Variants in SEMA6D observed in about 807,000 individuals in gnomAD.
The protein encoded by SEMA6D is semaphorin 6D.
SEMA6D carries 35 observed loss-of-function variants against 106.6 expected under a neutral mutation model. The observed-to-expected ratio is 0.33, with a 90% confidence interval of 0.25 to 0.44. SEMA6D has a LOEUF of 0.44. Among genes scored for constraint, SEMA6D ranks in the 20% least tolerant of loss-of-function variants. SEMA6D has a pLI of 1.00. For synonymous variants in SEMA6D, 499 were observed against 487.7 expected (o/e 1.02, Z -0.31); for missense variants, 1,185 against 1,345.9 (o/e 0.88, Z 1.87).
chr15:47,251,831 T>G (rs1003238820), intron 1 of SEMA6D, among the ~76,000 whole-genome samples: 3 of 152,044 alleles, frequency 2.0e-5, no homozygotes, highest in African/African-American at 7.2e-5. Flanking sequence ...TCTGTTCATG[T>G]GTTTATTAAT....
chr15:47,590,796 C>T (rs959710374), intron 3 of SEMA6D, among the ~76,000 whole-genome samples: 2 of 152,160 alleles, frequency 1.3e-5, no homozygotes, highest in Non-Finnish European at 2.9e-5. Flanking sequence ...AAGGATTCTA[C>T]CCAGAGTTCA....
chr15:47,575,622 G>A (rs1020254840), intron 3 of SEMA6D, among the ~76,000 whole-genome samples: 4 of 152,152 alleles, frequency 2.6e-5, no homozygotes, highest in Non-Finnish European at 4.4e-5. Flanking sequence ...GGGAGGCTGA[G>A]GCAGGAGAAT....
At chr15:47,230,831 A>G (rs769646671) in intron 1 of SEMA6D, among the ~76,000 whole-genome samples, 79 of 152,178 alleles carry the variant, frequency 5.2e-4, no homozygotes, top group Middle Eastern at 3.4e-3. Flanking sequence ...TTAAAGAACC[A>G]CTGGGAGAAC....
intron 1 of SEMA6D, among the ~76,000 whole-genome samples, chr15:47,371,163 C>T (rs281244): frequency 0.63 from 95,908 of 152,016 alleles, 31,297 homozygotes; most frequent in Non-Finnish European, 0.72. Context: ...AGCCAGTATC[C>T]AGGTATTTCA....
At chr15:47,240,611 A>G (rs1176181280) in intron 1 of SEMA6D, among the ~76,000 whole-genome samples, 2 of 152,120 alleles carry the variant, frequency 1.3e-5, no homozygotes, top group Non-Finnish European at 1.5e-5. Context: ...TTGATATCTT[A>G]TGTCATTAGA....
chr15:47,593,802 C>T (rs1365985138), intron 3 of SEMA6D, among the ~76,000 whole-genome samples: 2 of 152,078 alleles, frequency 1.3e-5, no homozygotes, highest in South Asian at 2.1e-4. Flanking sequence ...AGGTGCATCA[C>T]GTGGCTGGAG....
intron 3 of SEMA6D, among the ~76,000 whole-genome samples, chr15:47,514,324 C>T (rs1052844999): frequency 1.3e-5 from 2 of 152,176 alleles, no homozygotes. Context: ...TGATCTCATC[C>T]AGTTTCATGG....
At chr15:47,403,482 C>T (rs1034899217) in intron 1 of SEMA6D, among the ~76,000 whole-genome samples, 2 of 152,158 alleles carry the variant, frequency 1.3e-5, no homozygotes, top group African/African-American at 4.8e-5. Flanking sequence ...TGGGGAGAAA[C>T]ATGAATGATT....
At chr15:47,482,247 T>A (rs2043173283) in intron 3 of SEMA6D, among the ~76,000 whole-genome samples, 1 of 152,312 alleles carries the variant, frequency 6.6e-6, no homozygotes, top group South Asian at 2.1e-4. Context: ...GGAAGATTTT[T>A]AAAAATCTTT....
chr15:47,390,528 C>T (rs1460772509), intron 1 of SEMA6D, among the ~76,000 whole-genome samples: 3 of 151,984 alleles, frequency 2.0e-5, no homozygotes, highest in Non-Finnish European at 2.9e-5. Flanking sequence ...TATGCCTTTC[C>T]ACCCCCATTT....
At chr15:47,711,896 T>C (rs1298584579) in intron 4 of SEMA6D, among the ~76,000 whole-genome samples, 2 of 152,210 alleles carry the variant, frequency 1.3e-5, no homozygotes, top group South Asian at 2.1e-4. Context: ...CAGCTCCCTG[T>C]ACCTATAATG....
At chr15:47,521,984 CAAA>C (rs61136000) in intron 3 of SEMA6D, among the ~76,000 whole-genome samples, 13 of 81,970 alleles carry the variant, frequency 1.6e-4, no homozygotes, top group East Asian at 4.1e-4. Flanking sequence ...GACTCCGTCT[CAAA>C]AAAAAAAAAA....
At chr15:47,357,350 A>T (rs1241775882) in intron 1 of SEMA6D, among the ~76,000 whole-genome samples, 1 of 152,080 alleles carries the variant, frequency 6.6e-6, no homozygotes, top group South Asian at 2.1e-4. Context: ...AATAAATAAA[A>T]TAAATAAATA....
Position 47,658,909 on chromosome 15 carries a change from T to A in SEMA6D, c.-55+58013T>A, listed in dbSNP as rs568783886. On this transcript the variant is annotated intron_variant, in intron 4 of 19. Coordinates refer to the SEMA6D transcript ENST00000558014. ...TTAGAAAATATAAAAGGAGAAAAAA[T>A]ATCCTTTTAAATAACAACAAAAATG... Among the ~76,000 whole-genome samples the A allele has an allele frequency of 2.6e-5, 4 of 151,608 alleles. No individual in the cohort carries two copies. In the South Asian group the frequency reaches 8.3e-4, roughly 32 times the overall value.
At chr15:47,285,296 A>T (rs1595636694) in intron 1 of SEMA6D, among the ~76,000 whole-genome samples, 1 of 151,572 alleles carries the variant, frequency 6.6e-6, no homozygotes, top group Non-Finnish European at 1.5e-5. Flanking sequence ...CTAGTGGCTG[A>T]TTCAGAGTAG....
chr15:47,256,455 T>A (rs1306480190), intron 1 of SEMA6D, among the ~76,000 whole-genome samples: 1 of 152,216 alleles, frequency 6.6e-6, no homozygotes, highest in Non-Finnish European at 1.5e-5. Flanking sequence ...ATATATTCTT[T>A]GGAGCAGTTA....
intron 4 of SEMA6D, among the ~76,000 whole-genome samples, chr15:47,698,090 A>G (rs1431828614): frequency 1.3e-5 from 2 of 152,222 alleles, no homozygotes; most frequent in Non-Finnish European, 2.9e-5. Flanking sequence ...AGGATAATTC[A>G]CTTTTTCATT....
At chr15:47,733,958 T>G (rs571164486) in intron 1 of SEMA6D, among the ~76,000 whole-genome samples, 2 of 152,286 alleles carry the variant, frequency 1.3e-5, no homozygotes, top group African/African-American at 2.4e-5. Flanking sequence ...AGAACAAGTC[T>G]GCATGTGGCA....
intron 1 of SEMA6D, among the ~76,000 whole-genome samples, chr15:47,380,154 G>GA (rs1333405616): frequency 6.6e-6 from 1 of 152,112 alleles, no homozygotes; most frequent in African/African-American, 2.4e-5. Context: ...AACTAGAGCT[G>GA]AAAAAAGGAA....
Sources: gnomAD v4.1 joint callset for allele counts (sites outside exome capture counted in the v4.1 genomes callset) on GRCh38, gnomAD v4.1.1 for gene constraint, MANE v1.5 for transcripts, NCBI Gene and HGNC (gene_info 2026-07-23, HGNC 2026-07-21) for gene names.